The following RIMS2 variants were observed in gnomAD, a reference collection of about 807,000 sequenced individuals.
RIMS2 encodes the protein regulating synaptic membrane exocytosis 2.
A neutral mutation model predicts 174.4 loss-of-function variants in RIMS2; 59 were observed. That is an observed-to-expected ratio of 0.34 (90% CI 0.27 to 0.42). The LOEUF (loss-of-function observed/expected upper bound fraction) is 0.42. Among genes scored for constraint, RIMS2 ranks in the 10% least tolerant of loss-of-function variants. The pLI is 1.00. For synonymous variants in RIMS2, 606 were observed against 572.5 expected, an observed-to-expected ratio of 1.06 and a Z score of -0.84; for missense variants, 1,620 against 1,666.3, an observed-to-expected ratio of 0.97 and a Z score of 0.48.
At chr8:103,989,467 C>T in intron 17 of RIMS2, 46 bp downstream of exon 19, 1 of 994,512 alleles carries the variant, frequency 1.0e-6, no homozygotes, top group South Asian at 1.4e-5. Flanking sequence ...AATATAATCA[C>T]TGCTTTCAGG....
chr8:103,573,083 A>G (rs1180537142), intron 1 of RIMS2, among the ~76,000 whole-genome samples: 2 of 151,552 alleles, frequency 1.3e-5, no homozygotes, highest in Non-Finnish European at 2.9e-5. Flanking sequence ...TTTTCTAGAT[A>G]GAGTCTCGCT....
chr8:104,118,530 T>G (rs2098321668), intron 19 of RIMS2, among the ~76,000 whole-genome samples: 1 of 151,904 alleles, frequency 6.6e-6, no homozygotes, highest in Non-Finnish European at 1.5e-5. Flanking sequence ...ATTACAGGCA[T>G]GTGCCAGTTT....
intron 3 of RIMS2, among the ~76,000 whole-genome samples, chr8:103,855,914 G>A (rs926198843): frequency 5.9e-5 from 9 of 151,984 alleles, no homozygotes; most frequent in Non-Finnish European, 1.2e-4. Context: ...TTGCTTGTTA[G>A]TTTTTTGCCT....
At chr8:103,632,826 T>C (rs1589402845) in intron 1 of RIMS2, among the ~76,000 whole-genome samples, 1 of 128,548 alleles carries the variant, frequency 7.8e-6, no homozygotes, top group Non-Finnish European at 1.6e-5. Flanking sequence ...CTCCGCCTCC[T>C]GGGTTCACGC....
chr8:103,681,562 T>C (rs2096880885), intron 1 of RIMS2, among the ~76,000 whole-genome samples: 1 of 151,968 alleles, frequency 6.6e-6, no homozygotes, highest in Admixed American at 6.6e-5. Context: ...AGCAATCCAT[T>C]CATTCATTCT....
chr8:103,608,269 C>T (rs2095218003), intron 1 of RIMS2, among the ~76,000 whole-genome samples: 1 of 143,330 alleles, frequency 7.0e-6, no homozygotes, highest in Admixed American at 6.8e-5. Flanking sequence ...TGTGAGGTGT[C>T]AATCTGCCCC....
intron 10 of RIMS2, among the ~76,000 whole-genome samples, chr8:103,926,602 G>A (rs2078839514): frequency 1.3e-5 from 2 of 151,512 alleles, no homozygotes; most frequent in South Asian, 4.1e-4. Context: ...TTGAGCAAAA[G>A]TACTCCTAGT....
chr8:104,129,450 AT>A (rs1000854646), intron 19 of RIMS2, among the ~76,000 whole-genome samples: 17 of 152,234 alleles, frequency 1.1e-4, no homozygotes, highest in African/African-American at 3.9e-4. Flanking sequence ...GTAGGCGTTA[AT>A]TGTCTGCACA....
chr8:103,782,199 C>A (rs757991043), intron 3 of RIMS2, among the ~76,000 whole-genome samples: 2 of 150,876 alleles, frequency 1.3e-5, no homozygotes, highest in East Asian at 1.9e-4. Flanking sequence ...AGAATATATA[C>A]GTACACTATA....
At chr8:103,892,608 C>T (rs2154521895) in intron 4 of RIMS2, among the ~76,000 whole-genome samples, 1 of 152,152 alleles carries the variant, frequency 6.6e-6, no homozygotes. Context: ...TAATCTTATG[C>T]TAAATAATTA....
At chr8:103,525,060 G>A (rs569738715) in intron 1 of RIMS2, among the ~76,000 whole-genome samples, 88 of 152,308 alleles carry the variant, frequency 5.8e-4, no homozygotes, top group Admixed American at 2.0e-3. Context: ...ATAAGAGCAG[G>A]AATGGGCTGA....
chr8:103,725,279 T>C (rs2097513402), intron 2 of RIMS2, among the ~76,000 whole-genome samples: 1 of 152,156 alleles, frequency 6.6e-6, no homozygotes, highest in African/African-American at 2.4e-5. Flanking sequence ...TTAAGTATAG[T>C]TTGACAAATT....
At chr8:104,061,541 C>T (rs2096989664) in intron 19 of RIMS2, among the ~76,000 whole-genome samples, 1 of 151,226 alleles carries the variant, frequency 6.6e-6, no homozygotes, top group Non-Finnish European at 1.5e-5. Context: ...TTTCAATACC[C>T]AGTAATAATT....
At chr8:103,891,358 C>T (rs1057325283) in intron 4 of RIMS2, among the ~76,000 whole-genome samples, 5 of 151,990 alleles carry the variant, frequency 3.3e-5, no homozygotes, top group Admixed American at 2.6e-4. Context: ...TCGTGTTTCA[C>T]GTTTAGACCA....
chr8:104,198,394 TAAAAC>T (rs2099036660), intron 19 of RIMS2, among the ~76,000 whole-genome samples: 1 of 152,140 alleles, frequency 6.6e-6, no homozygotes. Flanking sequence ...TTTCAAGACA[TAAAAC>T]AAGACAGAAG....
At chr8:103,960,876 C>T (rs1033720801) in intron 14 of RIMS2, among the ~76,000 whole-genome samples, 189 bp from the exon 17 acceptor site, 6 of 152,028 alleles carry the variant, frequency 3.9e-5, no homozygotes, top group African/African-American at 2.4e-5. Context: ...TCCTCATCAC[C>T]CATATCCTCA....
rs577732862 is a variant in RIMS2, at chr8:103,896,317, A to T, written c.1624+10094A>T. 7.4e-4 allele frequency among the ~76,000 whole-genome samples: 112 copies of T among 151,814 alleles called. 1 individual carries two copies. Among genetic ancestry groups the T allele is most frequent in the Non-Finnish European group, 1.3e-3 (89 of 67,994 alleles). ...AAAAAAGCTGCTGGTTTTCCCAGCC[A>T]TCCTCACGCTGATAGATTTATTGAT... On this transcript the variant is annotated intron_variant, in intron 4 of 23. Transcript: ENST00000504942.
chr8:103,584,448 T>TA (rs397805393), intron 1 of RIMS2, among the ~76,000 whole-genome samples: 1 of 151,878 alleles, frequency 6.6e-6, no homozygotes, highest in Non-Finnish European at 1.5e-5. Flanking sequence ...AGATTTTTTT[T>TA]AACACTATAA....
chr8:103,719,669 T>A (rs1170445168), intron 2 of RIMS2, among the ~76,000 whole-genome samples: 1 of 152,206 alleles, frequency 6.6e-6, no homozygotes, highest in Admixed American at 6.5e-5. Flanking sequence ...AGAAATGAAA[T>A]TTTTTAAACA....
Sources: allele counts gnomAD v4.1 joint callset (sites outside exome capture counted in the v4.1 genomes callset), GRCh38; gene constraint gnomAD v4.1.1; transcripts MANE v1.5; gene names NCBI Gene and HGNC (gene_info 2026-07-23, HGNC 2026-07-21).